The following XPC variants were observed in gnomAD, a reference collection of about 807,000 sequenced individuals.
XPC encodes DNA repair protein complementing XP-C cells.
A neutral mutation model predicts 95.8 loss-of-function variants in XPC; 76 were observed. That is an observed-to-expected ratio of 0.79 (90% CI 0.66 to 0.96). The LOEUF is 0.96. XPC is among the 40% of genes least tolerant of loss of function. XPC has a pLI of 0.00. For missense variants in XPC, 1,146 were observed against 1,179.8 expected, an observed-to-expected ratio of 0.97 and a Z score of 0.42; for synonymous variants, 442 against 442.1, an observed-to-expected ratio of 1.00 and a Z score of 0.00.
In XPC at chr3:14,156,455, A is replaced by G. The variant is rs752133677; in HGVS notation, c.1913T>C (p.Ile638Thr). Residue 638 changes from isoleucine to threonine, a missense_variant, in exon 10 of 16, where the codon ATT becomes ACT. Transcript: ENST00000285021. ...CAGAGGGTGGTTCTTATATAAGCCA[A>G]TGGCAGTGGGCAAAGGCTGGTCCAT... Reference protein sequence around the residue: ...KHMDQPLPTAIGLYKNHPLYA... With the variant: ...KHMDQPLPTATGLYKNHPLYA... 7 of 1,613,902 alleles carry G rather than the reference A, an allele frequency of 4.3e-6. No individual in the cohort carries two copies. The highest frequency in any genetic ancestry group is 4.5e-5 in the East Asian group (2 of 44,896).
intron 1 of XPC, 175 bp downstream of exon 1, chr3:14,178,291 C>A (rs1038106732): frequency 7.0e-6 from 5 of 710,676 alleles, no homozygotes; most frequent in Non-Finnish European, 1.1e-5. Flanking sequence ...GTGCGCAGGA[C>A]AAAGACGCGG....
chr3:14,154,712 G>A (rs1478967881), intron 10 of XPC, among the ~76,000 whole-genome samples: 1 of 152,040 alleles, frequency 6.6e-6, no homozygotes, highest in African/African-American at 2.4e-5. Context: ...GGAGATGGAT[G>A]GTGGTGATGG....
rs1336406483 is a variant in XPC, at chr3:14,170,472, CTCT to C, written c.375_377del (p.Glu128del). On this transcript the variant is annotated inframe_deletion, in exon 3 of 16. Coordinates refer to ENST00000285021, the MANE Select transcript of XPC (RefSeq NM_004628.5). ...CTTCCCAATCATTTTCACTTTCTTC[CTCT>C]TCTTCATTGCTGTCTTCATTCATGG... is the stretch of plus-strand genomic sequence containing the variant. The C allele has an allele frequency of 5.6e-6, 9 of 1,613,722 alleles. No homozygotes were observed. The highest frequency in any genetic ancestry group is 7.6e-6 in the Non-Finnish European group (9 of 1,179,772).
chr3:14,154,320 A>G (rs909776632), intron 10 of XPC, among the ~76,000 whole-genome samples: 2 of 152,204 alleles, frequency 1.3e-5, no homozygotes, highest in African/African-American at 4.8e-5. Flanking sequence ...AAAAACTGAA[A>G]GCAGAATCTT....
chr3:14,151,478 A>C (rs1429712344), intron 11 of XPC: 5 of 152,214 alleles, frequency 3.3e-5, no homozygotes, highest in African/African-American at 9.6e-5. Flanking sequence ...GCAACCCTGC[A>C]GGCCCAGGCA....
Position 14,156,430 on chromosome 3 carries a change from C to G in XPC, c.1938G>C (p.Leu646=). Residue 646 remains leucine, a synonymous_variant, in exon 10 of 16, where the codon CTG becomes CTC. Transcript: ENST00000285021. The part of the protein sequence containing the change: ...TAIGLYKNHP[L]YALKRHLLKY... ...TCAGGAGATGCCGCTTCAGGGCATA[C>G]AGAGGGTGGTTCTTATATAAGCCAA... 1 of 1,614,040 alleles carries G rather than the reference C, an allele frequency of 6.2e-7. No individual in the cohort carries two copies. Among genetic ancestry groups the G allele is most frequent in the Non-Finnish European group, 8.5e-7 (1 of 1,179,890 alleles).
Position 14,158,277 on chromosome 3 carries a change from A to G in XPC, c.1606T>C (p.Cys536Arg). 1 of 1,613,994 alleles carries G rather than the reference A, an allele frequency of 6.2e-7. No homozygotes were observed. The highest frequency in any genetic ancestry group is 1.1e-5 in the South Asian group (1 of 91,076). The stretch of plus-strand genomic sequence containing the variant: ...CATACCCACTTTTCCTCCTGCTCAC[A>G]GAACACCTCTAGCCACTGGTCTATA... ...AGIDQWLEVFCEQEEKWVCVD... is the reference protein window; with the variant it reads ...AGIDQWLEVFREQEEKWVCVD... Residue 536 changes from cysteine to arginine, a missense_variant, in exon 9 of 16, where the codon TGT becomes CGT. Coordinates refer to ENST00000285021, the MANE Select transcript of XPC (RefSeq NM_004628.5). The surrounding 1 kb of genome is among the most constrained non-coding windows in gnomAD (Gnocchi z 5.2).
intron 11 of XPC, 108 bp downstream of exon 11, chr3:14,152,227 T>C: frequency 8.0e-6 from 7 of 876,212 alleles, no homozygotes; most frequent in Non-Finnish European, 1.2e-5. Flanking sequence ...CTGATCAGGA[T>C]CCTGGGCAGG....
intron 10 of XPC, among the ~76,000 whole-genome samples, chr3:14,153,695 A>G (rs1695788920): frequency 6.6e-6 from 1 of 152,204 alleles, no homozygotes; most frequent in Non-Finnish European, 1.5e-5. Context: ...TTCTCAACTT[A>G]GGATATCCTA....
At chr3:14,173,234 C>T (rs958798634) in intron 1 of XPC, among the ~76,000 whole-genome samples, 172 bp from the exon 2 acceptor site, 3 of 152,162 alleles carry the variant, frequency 2.0e-5, no homozygotes, top group East Asian at 1.9e-4. Flanking sequence ...TTCCCACCTG[C>T]GGCTAGTCTA....
chr3:14,148,243 C>T, intron 13 of XPC: 1 of 579,172 alleles, frequency 1.7e-6, no homozygotes, highest in Non-Finnish European at 3.0e-6. Flanking sequence ...CAGCCTCACC[C>T]ATCATGGAAC....
intron 13 of XPC, 198 bp downstream of exon 13, chr3:14,148,364 A>G (rs2125009122): frequency 2.8e-6 from 2 of 723,532 alleles, no homozygotes; most frequent in Non-Finnish European, 4.4e-6. Context: ...TTACGATGCC[A>G]GTTTCATTGG....
intron 13 of XPC, 176 bp downstream of exon 13, chr3:14,148,386 C>A: frequency 1.1e-6 from 1 of 884,136 alleles, no homozygotes; most frequent in African/African-American, 1.7e-5. Flanking sequence ...TCCGTTCCCT[C>A]TGGAGGGAAG....
chr3:14,176,514 TTA>T (rs1439277814), intron 1 of XPC, among the ~76,000 whole-genome samples: 3 of 152,234 alleles, frequency 2.0e-5, no homozygotes, highest in Non-Finnish European at 2.9e-5. Flanking sequence ...CAAGATATGT[TTA>T]TCTCTCATGT....
At chr3:14,159,875 A>T in intron 7 of XPC, 45 bp from the exon 8 acceptor site, 2 of 1,514,676 alleles carry the variant, frequency 1.3e-6, no homozygotes, top group Non-Finnish European at 1.8e-6. Flanking sequence ...AAAGTAATTA[A>T]AGATGTAATG....
chr3:14,156,332 C>A lies in XPC; in HGVS notation c.2033+3G>T. ...CTGAGGCCAACCAGGCTGCCTCACG[C>A]ACCTGGAGTAGACCGCTTCTCCACG... On this transcript the variant is annotated splice_donor_region_variant and intron_variant, in intron 10 of 15. Transcript: ENST00000285021. The A allele has an allele frequency of 6.2e-7, 1 of 1,611,830 alleles. No homozygotes were observed. The highest frequency in any genetic ancestry group is 2.2e-5 in the East Asian group (1 of 44,832).
In XPC at chr3:14,178,570, T is replaced by A. The variant is rs761188048; in HGVS notation, c.-2A>T. ...GCCGGCCGCGCGTTTCCGAGCCATG[T>A]TGCTTGTCTGGGCAAATTCCACTTC... On this transcript the variant is annotated 5_prime_UTR_variant, in exon 1 of 16. Transcript: ENST00000285021. 8.1e-6 allele frequency: 13 copies of A among 1,612,524 alleles called. No individual in the cohort carries two copies. The highest frequency in any genetic ancestry group is 1.6e-4 in the Middle Eastern group (1 of 6,084).
intron 11 of XPC, 98 bp from the exon 12 acceptor site, chr3:14,149,046 T>A (rs1695575982): frequency 6.5e-7 from 1 of 1,546,202 alleles, no homozygotes; most frequent in African/African-American, 1.4e-5. Context: ...TGGTACCTGG[T>A]GAACCCTCAG....
chr3:14,157,603 C>G (rs1695970415), intron 9 of XPC, among the ~76,000 whole-genome samples: 1 of 152,154 alleles, frequency 6.6e-6, no homozygotes, highest in Non-Finnish European at 1.5e-5. Flanking sequence ...GGTGAGTGTT[C>G]TATGTATGAG....
Sources: gnomAD v4.1 joint callset for allele counts (sites outside exome capture counted in the v4.1 genomes callset) on GRCh38, gnomAD v4.1.1 for gene constraint, Gnocchi (gnomAD v3.1) non-coding constraint, MANE v1.5 for transcripts, NCBI Gene and HGNC (gene_info 2026-07-23, HGNC 2026-07-21) for gene names.